Variants in NOS1AP observed in about 807,000 individuals in gnomAD.
The protein encoded by NOS1AP is nitric oxide synthase 1 adaptor protein, also known as carboxyl-terminal PDZ ligand of neuronal nitric oxide synthase protein.
NOS1AP carries 21 observed loss-of-function variants against 56.2 expected under a neutral mutation model. The observed-to-expected ratio is 0.37, with a 90% CI of 0.26 to 0.54. NOS1AP has a LOEUF of 0.54. Among genes scored for constraint, NOS1AP ranks in the 20% least tolerant of loss-of-function variants. The pLI, the probability that NOS1AP is intolerant of heterozygous loss-of-function variation, is 0.84. For synonymous variants in NOS1AP, 270 were observed against 274.6 expected (o/e 0.98, Z 0.17); for missense variants, 522 against 657.8 (o/e 0.79, Z 2.26).
chr1:162,214,518 A>AT (rs1235209357), intron 2 of NOS1AP, among the ~76,000 whole-genome samples: 5 of 151,664 alleles, frequency 3.3e-5, no homozygotes, highest in African/African-American at 9.7e-5. Flanking sequence ...CTGAGTTTTG[A>AT]TTTTCCCTTC....
rs1570993666 is a variant in NOS1AP, at chr1:162,081,684, A to G, written c.105+11402A>G. Among the ~76,000 whole-genome samples, 4 of 147,206 alleles carry G rather than the reference A, an allele frequency of 2.7e-5. No homozygotes were observed. The South Asian group carries it at 8.5e-4, about 31-fold the overall frequency. On this transcript the variant is annotated intron_variant, in intron 1 of 9. Coordinates refer to ENST00000361897, the MANE Select transcript of NOS1AP (RefSeq NM_014697.3). ...CAGCTCAGCCTTTCAAGTAGCTGGG[A>G]CTACAGGCATGTGCCACCATGCCTG...
chr1:162,158,334 T>C (rs997316232), intron 2 of NOS1AP, among the ~76,000 whole-genome samples: 1 of 152,240 alleles, frequency 6.6e-6, no homozygotes, highest in Non-Finnish European at 1.5e-5. Flanking sequence ...CCTTCCTTTT[T>C]AAGGCTGCTT....
intron 2 of NOS1AP, among the ~76,000 whole-genome samples, chr1:162,176,072 C>G (rs1043798005): frequency 1.3e-5 from 2 of 152,200 alleles, no homozygotes; most frequent in Non-Finnish European, 2.9e-5. Context: ...TGTCTCACTT[C>G]TTCAGTGAGA....
intron 4 of NOS1AP, among the ~76,000 whole-genome samples, chr1:162,308,249 G>GA (rs1655907158): frequency 1.3e-5 from 2 of 152,214 alleles, no homozygotes; most frequent in Non-Finnish European, 2.9e-5. Context: ...CTGGTCCCAG[G>GA]TGCAGGGAAA....
At chr1:162,124,247 C>T (rs1648380801) in intron 1 of NOS1AP, among the ~76,000 whole-genome samples, 1 of 152,070 alleles carries the variant, frequency 6.6e-6, no homozygotes, top group South Asian at 2.1e-4. Context: ...ACATCGTACT[C>T]ACTAGGTAGT....
chr1:162,326,576 A>G (rs933534502), intron 4 of NOS1AP, among the ~76,000 whole-genome samples: 1 of 152,220 alleles, frequency 6.6e-6, no homozygotes, highest in African/African-American at 2.4e-5. Flanking sequence ...AGAAGTTCCA[A>G]GATCTGCAAT....
chr1:162,086,857 T>A (rs1413126720), intron 1 of NOS1AP, among the ~76,000 whole-genome samples: 1 of 152,198 alleles, frequency 6.6e-6, no homozygotes. Flanking sequence ...AAAGTTGAAC[T>A]AGCTTGTGGC....
intron 1 of NOS1AP, among the ~76,000 whole-genome samples, chr1:162,134,454 C>A (rs903776773): frequency 1.4e-5 from 2 of 147,564 alleles, no homozygotes; most frequent in Admixed American, 6.8e-5. Context: ...CTACTGCACT[C>A]CAGCCTGGAG....
At chr1:162,162,231 G>A (rs983816916) in intron 2 of NOS1AP, among the ~76,000 whole-genome samples, 1 of 152,100 alleles carries the variant, frequency 6.6e-6, no homozygotes, top group African/African-American at 2.4e-5. Flanking sequence ...ATGCCCTGAA[G>A]AAAAATAACA....
chr1:162,070,396 G>A, intron 1 of NOS1AP, 114 bp downstream of exon 1: 1 of 837,296 alleles, frequency 1.2e-6, no homozygotes, highest in Non-Finnish European at 2.0e-6. Flanking sequence ...GCCGATTTGG[G>A]GGCCTTTCTC....
chr1:162,126,104 G>A (rs1282943232), intron 1 of NOS1AP, among the ~76,000 whole-genome samples: 1 of 152,120 alleles, frequency 6.6e-6, no homozygotes, highest in African/African-American at 2.4e-5. Context: ...GTATAGCAGT[G>A]CTATTGATTT....
intron 4 of NOS1AP, among the ~76,000 whole-genome samples, chr1:162,302,368 AG>A (rs1193043582): frequency 7.9e-5 from 12 of 152,240 alleles, no homozygotes; most frequent in Admixed American, 7.2e-4. Context: ...GATTCATCGA[AG>A]GGAACAATTA....
chr1:162,220,678 G>A (rs942280927), intron 2 of NOS1AP, among the ~76,000 whole-genome samples: 2 of 151,922 alleles, frequency 1.3e-5, no homozygotes, highest in East Asian at 1.9e-4. Context: ...TTTCCATTCC[G>A]GCTTTAAATT....
At chr1:162,139,053 G>T (rs1387855706) in intron 1 of NOS1AP, among the ~76,000 whole-genome samples, 1 of 152,156 alleles carries the variant, frequency 6.6e-6, no homozygotes, top group African/African-American at 2.4e-5. Flanking sequence ...CCTCATAATA[G>T]GTAAGCATCT....
intron 6 of NOS1AP, among the ~76,000 whole-genome samples, chr1:162,348,957 G>A (rs189481662): frequency 0.012 from 1,897 of 152,236 alleles, 29 homozygotes; most frequent in South Asian, 0.045. Flanking sequence ...AGGCCAAGGC[G>A]GGCAGATCAC....
Position 162,156,121 on chromosome 1 carries a change from C to T in NOS1AP, c.177+1645C>T, listed in dbSNP as rs531172062. On this transcript the variant is annotated intron_variant, in intron 2 of 9. Coordinates refer to ENST00000361897, the MANE Select transcript of NOS1AP (RefSeq NM_014697.3). ...AATCTTTTCATTGCCTTGATCTTCG[C>T]AGTATTTCAGCATTTTTTTATTGTT... Among the ~76,000 whole-genome samples the T allele has an allele frequency of 2.0e-5, 3 of 152,286 alleles. No homozygotes were observed. The South Asian group carries it at 6.2e-4, about 32-fold the overall frequency.
chr1:162,285,007 G>A (rs1655046666), intron 2 of NOS1AP, among the ~76,000 whole-genome samples: 1 of 152,214 alleles, frequency 6.6e-6, no homozygotes, highest in Admixed American at 6.5e-5. Context: ...TGCAGAGGTA[G>A]GTACTTGATA....
At chr1:162,202,974 A>G (rs77434773) in intron 2 of NOS1AP, among the ~76,000 whole-genome samples, 5,303 of 152,124 alleles carry the variant, frequency 0.035, 198 homozygotes, top group South Asian at 0.14. Flanking sequence ...ACTAAGAGCC[A>G]CTGTTTTTGG....
intron 1 of NOS1AP, among the ~76,000 whole-genome samples, chr1:162,108,258 G>A (rs76587613): frequency 0.12 from 17,638 of 152,168 alleles, 2,278 homozygotes; most frequent in African/African-American, 0.32. Context: ...AACTCTGGAG[G>A]ACTCCCAGGG....
Sources: allele counts gnomAD v4.1 joint callset (sites outside exome capture counted in the v4.1 genomes callset), GRCh38; gene constraint gnomAD v4.1.1; transcripts MANE v1.5; gene names NCBI Gene and HGNC (gene_info 2026-07-23, HGNC 2026-07-21).